The following EXOC6B variants were observed in gnomAD, a reference collection of about 807,000 sequenced individuals.
EXOC6B encodes SEC15 homolog B.
EXOC6B carries 54 observed loss-of-function variants against 113.5 expected under a neutral mutation model. The observed-to-expected ratio is 0.48, with a 90% confidence interval of 0.38 to 0.60. The LOEUF is 0.60. Ranked by LOEUF, EXOC6B falls within the 20% of genes least tolerant of loss-of-function variation. EXOC6B has a pLI of 0.00. For missense variants in EXOC6B, 797 were observed against 977.5 expected (o/e 0.82, Z 2.46); for synonymous variants, 357 against 339.0 (o/e 1.05, Z -0.58).
chr2:72,197,751 G>A (rs1449746474), intron 20 of EXOC6B, among the ~76,000 whole-genome samples: 1 of 152,092 alleles, frequency 6.6e-6, no homozygotes, highest in East Asian at 1.9e-4. Context: ...TGATCACAAG[G>A]CAGGTTTTTC....
At chr2:72,340,852 T>C (rs2104904713) in intron 19 of EXOC6B, among the ~76,000 whole-genome samples, 1 of 152,300 alleles carries the variant, frequency 6.6e-6, no homozygotes, top group South Asian at 2.1e-4. Context: ...CCAAGCCTTC[T>C]TGCATCACAT....
At chr2:72,549,201 T>C (rs1395083496) in intron 8 of EXOC6B, among the ~76,000 whole-genome samples, 1 of 152,164 alleles carries the variant, frequency 6.6e-6, no homozygotes, top group Non-Finnish European at 1.5e-5. Flanking sequence ...ATATACTATA[T>C]TGTATTCTAT....
At chr2:72,777,968 G>A (rs554130154) in intron 1 of EXOC6B, among the ~76,000 whole-genome samples, 1 of 152,030 alleles carries the variant, frequency 6.6e-6, no homozygotes, top group African/African-American at 2.4e-5. Context: ...GAATCAAATT[G>A]GTACACTAGA....
chr2:72,399,646 A>G (rs1301749691), intron 18 of EXOC6B, among the ~76,000 whole-genome samples: 1 of 152,188 alleles, frequency 6.6e-6, no homozygotes, highest in African/African-American at 2.4e-5. Flanking sequence ...ATACACCAAT[A>G]ATAATCAAGC....
intron 6 of EXOC6B, among the ~76,000 whole-genome samples, chr2:72,646,664 G>A (rs1294463347): frequency 1.1e-4 from 17 of 152,192 alleles, no homozygotes; most frequent in South Asian, 2.1e-4. Context: ...ATCAATAAAC[G>A]TAATCCATCA....
At chr2:72,811,467 T>C (rs955536267) in intron 1 of EXOC6B, among the ~76,000 whole-genome samples, 2 of 152,250 alleles carry the variant, frequency 1.3e-5, no homozygotes, top group Non-Finnish European at 2.9e-5. Flanking sequence ...GAAGGCTTCA[T>C]TGAAGAATTC....
intron 16 of EXOC6B, among the ~76,000 whole-genome samples, chr2:72,484,454 C>T (rs1331383881): frequency 1.3e-5 from 2 of 150,978 alleles, no homozygotes; most frequent in Non-Finnish European, 2.9e-5. Context: ...GTAGTCCCAG[C>T]TACTCGGGAG....
chr2:72,739,718 T>G (rs968370326), intron 2 of EXOC6B, among the ~76,000 whole-genome samples: 1 of 152,116 alleles, frequency 6.6e-6, no homozygotes, highest in Non-Finnish European at 1.5e-5. Context: ...AGACCTAACT[T>G]ACTTTAAATG....
intron 20 of EXOC6B, among the ~76,000 whole-genome samples, chr2:72,210,519 A>G (rs763798626): frequency 1.3e-5 from 2 of 152,218 alleles, no homozygotes; most frequent in Non-Finnish European, 2.9e-5. Context: ...CAATAAATGT[A>G]ATGAACTGCC....
intron 18 of EXOC6B, among the ~76,000 whole-genome samples, chr2:72,396,430 T>C (rs1692728418): frequency 6.6e-6 from 1 of 152,164 alleles, no homozygotes; most frequent in Non-Finnish European, 1.5e-5. Context: ...AAAATTTGCC[T>C]GGCTAACAGC....
At chr2:72,202,576 C>T (rs892056895) in intron 20 of EXOC6B, among the ~76,000 whole-genome samples, 2 of 152,168 alleles carry the variant, frequency 1.3e-5, no homozygotes, top group African/African-American at 4.8e-5. Context: ...AGGGCCAGAT[C>T]ATAAGCAGTG....
intron 2 of EXOC6B, among the ~76,000 whole-genome samples, chr2:72,737,936 A>G (rs1039785619): frequency 2.0e-5 from 3 of 152,184 alleles, no homozygotes; most frequent in African/African-American, 2.4e-5. Context: ...GAACAGTTCT[A>G]TATGTTTAGA....
At chr2:72,184,790 T>C (rs959461897) in intron 20 of EXOC6B, among the ~76,000 whole-genome samples, 1 of 152,222 alleles carries the variant, frequency 6.6e-6, no homozygotes, top group African/African-American at 2.4e-5. Flanking sequence ...AAATGGATCA[T>C]GTAGCATTTA....
At chr2:72,726,763 A>C (rs1380907960) in intron 5 of EXOC6B, among the ~76,000 whole-genome samples, 1 of 152,180 alleles carries the variant, frequency 6.6e-6, no homozygotes, top group South Asian at 2.1e-4. Flanking sequence ...TTAAAGACTC[A>C]TTGTAAGTCA....
intron 18 of EXOC6B, among the ~76,000 whole-genome samples, chr2:72,399,207 C>G (rs1329211582): frequency 7.2e-5 from 11 of 152,114 alleles, no homozygotes; most frequent in Admixed American, 2.0e-4. Flanking sequence ...AATTCAGCAT[C>G]CCTTCATGAT....
intron 6 of EXOC6B, among the ~76,000 whole-genome samples, chr2:72,605,359 G>A (rs911298198): frequency 2.0e-5 from 3 of 151,506 alleles, no homozygotes; most frequent in Non-Finnish European, 4.4e-5. Context: ...CCCAGGATGA[G>A]AACGTATGTC....
intron 6 of EXOC6B, among the ~76,000 whole-genome samples, chr2:72,679,143 T>C (rs1676519070): frequency 6.6e-6 from 1 of 152,108 alleles, no homozygotes; most frequent in Non-Finnish European, 1.5e-5. Context: ...CTCGGCTCAC[T>C]GCAACCTCTA....
intron 6 of EXOC6B, among the ~76,000 whole-genome samples, chr2:72,711,288 G>A (rs1679257913): frequency 3.9e-5 from 6 of 152,026 alleles, no homozygotes; most frequent in Admixed American, 3.9e-4. Context: ...AATGGAATAG[G>A]ATAAAATGGA....
At chr2:72,513,409 T>G (rs1178046982) in intron 10 of EXOC6B, among the ~76,000 whole-genome samples, 157 bp from the exon 11 acceptor site, 2 of 152,106 alleles carry the variant, frequency 1.3e-5, no homozygotes, top group African/African-American at 4.8e-5. Flanking sequence ...GAAATCAGAC[T>G]ACTTGGACCA....
Sources: allele counts gnomAD v4.1 joint callset (sites outside exome capture counted in the v4.1 genomes callset), GRCh38; gene constraint gnomAD v4.1.1; transcripts MANE v1.5; gene names NCBI Gene and HGNC (gene_info 2026-07-23, HGNC 2026-07-21).